The following KIF14 variants were observed in gnomAD, a reference collection of about 807,000 sequenced individuals.
The protein encoded by KIF14 is kinesin-like protein KIF14.
In KIF14, 98 loss-of-function variants were observed where a neutral mutation model predicts 176.2. The ratio of observed to expected loss-of-function variants is 0.56; its 90% confidence interval spans 0.47 to 0.66. The LOEUF (loss-of-function observed/expected upper bound fraction) is 0.66. Among genes scored for constraint, KIF14 ranks in the 30% least tolerant of loss-of-function variants. The probability of loss-of-function intolerance (pLI) is 0.00; values close to 1 mark genes in which losing one functional copy is unlikely to be tolerated. For synonymous variants in KIF14, 566 were observed against 632.2 expected (o/e 0.90, Z 1.57); for missense variants, 1,751 against 1,920.4 (o/e 0.91, Z 1.65).
rs1040881546 is a variant in KIF14, at chr1:200,552,409, A to T, written c.*979T>A. ...CAAATCATATACAAATTATTTCATT[A>T]TACCTTTAACAAAACAAGCATTATC... On this transcript the variant is annotated 3_prime_UTR_variant, in exon 30 of 30. Coordinates refer to ENST00000367350, the MANE Select transcript of KIF14 (RefSeq NM_014875.3). 1.3e-5 allele frequency: 2 copies of T among 152,124 alleles called. No homozygotes were observed. The highest frequency in any genetic ancestry group is 2.4e-5 in the African/African-American group (1 of 41,432). The allele number at this position is 152,124 out of a possible 1,614,324, so 9.4% of individuals were successfully genotyped here.
In KIF14 at chr1:200,615,526, TA is replaced by T; in HGVS notation, c.1195del (p.Tyr399IlefsTer29). ...TVEHPDTKQV[Y>X]NFIYDVSFWS... ...GAATGAAACATCATAAATAAAATTA[TA>T]AACTTGTTTCGTGTCAGGGTGTTCC... On this transcript the variant is annotated frameshift_variant, in exon 3 of 30. Coordinates refer to ENST00000367350, the MANE Select transcript of KIF14 (RefSeq NM_014875.3). LOFTEE classifies it high-confidence loss of function. The T allele has an allele frequency of 6.2e-7, 1 of 1,613,992 alleles. No homozygotes were observed. Among genetic ancestry groups the T allele is most frequent in the Non-Finnish European group, 8.5e-7 (1 of 1,179,858 alleles).
At chr1:200,615,120 A>G (rs1196624047) in intron 3 of KIF14, among the ~76,000 whole-genome samples, 1 of 152,194 alleles carries the variant, frequency 6.6e-6, no homozygotes, top group Non-Finnish European at 1.5e-5. Flanking sequence ...TATAAAGTAC[A>G]GTAAAATGGG....
rs191759930 is a variant in KIF14 at position 200,554,651 on chromosome 1, C to T, written c.4429-45G>A. 9.8e-4 allele frequency: 972 copies of T among 993,836 alleles called. 4 individuals are homozygous for T. Among genetic ancestry groups the T allele is most frequent in the Non-Finnish European group, 2.5e-4 (165 of 666,698 alleles). 61.6% of individuals were successfully genotyped at this position (993,836 alleles called of 1,614,324 possible). A position where few individuals can be genotyped will look rare whatever the true frequency, so the allele number is the denominator to read the frequency against. ...ATTTAAAATAATACATTAACAGGCT[C>T]AATGGCAGTAAGGCTCAGTCAATAT... is the stretch of plus-strand genomic sequence containing the variant. On this transcript the variant is annotated intron_variant, in intron 28 of 29. Coordinates refer to ENST00000367350, the MANE Select transcript of KIF14 (RefSeq NM_014875.3).
In KIF14 at chr1:200,551,861, C is replaced by T. The variant is rs1656548593; in HGVS notation, c.*1527G>A. 1 of 152,124 alleles carries T rather than the reference C, an allele frequency of 6.6e-6. No individual in the cohort carries two copies. Among genetic ancestry groups the T allele is most frequent in the South Asian group, 2.1e-4 (1 of 4,830 alleles). 9.4% of individuals were successfully genotyped at this position (152,124 alleles called of 1,614,324 possible). On this transcript the variant is annotated 3_prime_UTR_variant, in exon 30 of 30. Transcript: ENST00000367350. The stretch of plus-strand genomic sequence containing the variant: ...TTGCCAGATTATTGACTAATAAAAA[C>T]ACATATAGAGCTTCAGAAAGAATAC...
intron 19 of KIF14, among the ~76,000 whole-genome samples, chr1:200,583,383 G>T (rs1658564558): frequency 6.6e-6 from 1 of 152,126 alleles, no homozygotes; most frequent in Non-Finnish European, 1.5e-5. Flanking sequence ...CTAATTTAGA[G>T]ATACACAGTG....
rs756784347 is a variant in KIF14 at position 200,614,306 on chromosome 1, A to G, written c.1455+12T>C. On this transcript the variant is annotated intron_variant, in intron 4 of 29. Coordinates refer to ENST00000367350, the MANE Select transcript of KIF14 (RefSeq NM_014875.3). Reference sequence around the variant, plus strand: ...CTCTGAAAAGAAGCTTGCAGGTATTATAAGAACATACCTCTTGGGTTTGTT... The same window carrying G: ...CTCTGAAAAGAAGCTTGCAGGTATTGTAAGAACATACCTCTTGGGTTTGTT... 7.5e-6 allele frequency: 11 copies of G among 1,476,012 alleles called. No individual in the cohort carries two copies. The East Asian group carries it at 2.3e-4, about 30-fold the overall frequency. The allele number at this position is 1,476,012 out of a possible 1,614,324, so 91.4% of individuals were successfully genotyped here. A position where few individuals can be genotyped will look rare whatever the true frequency, so the allele number is the denominator to read the frequency against.
At chr1:200,596,751 G>A (rs1468574001) in intron 14 of KIF14, among the ~76,000 whole-genome samples, 1 of 151,580 alleles carries the variant, frequency 6.6e-6, no homozygotes, top group Non-Finnish European at 1.5e-5. Flanking sequence ...TTTCAGTAGA[G>A]ATGAGGTTTC....
intron 29 of KIF14, among the ~76,000 whole-genome samples, 167 bp from the exon 30 acceptor site, chr1:200,553,934 T>A (rs1201805245): frequency 6.6e-6 from 1 of 152,208 alleles, no homozygotes. Flanking sequence ...AGATGAGCAC[T>A]TGGTTTTTCA....
intron 21 of KIF14, among the ~76,000 whole-genome samples, chr1:200,577,785 T>C (rs1019339668): frequency 3.3e-5 from 5 of 150,756 alleles, no homozygotes; most frequent in Non-Finnish European, 7.4e-5. Context: ...GGTTTTTGTT[T>C]GTTTGTTTTT....
chr1:200,582,205 T>G (rs1480454316), intron 19 of KIF14, among the ~76,000 whole-genome samples: 1 of 151,826 alleles, frequency 6.6e-6, no homozygotes, highest in Non-Finnish European at 1.5e-5. Flanking sequence ...TGGCACCCTA[T>G]CTCTAGAAAA....
chr1:200,609,573 TGG>T (rs1660051720), intron 4 of KIF14, among the ~76,000 whole-genome samples: 1 of 152,146 alleles, frequency 6.6e-6, no homozygotes, highest in Non-Finnish European at 1.5e-5. Context: ...CGCTTGAACC[TGG>T]GAGGTGGAGG....
chr1:200,587,162 C>T (rs1362563698), intron 18 of KIF14, among the ~76,000 whole-genome samples: 1 of 151,976 alleles, frequency 6.6e-6, no homozygotes, highest in Non-Finnish European at 1.5e-5. Flanking sequence ...ACTGTGTGCA[C>T]TCCTGGTACA....
intron 22 of KIF14, among the ~76,000 whole-genome samples, chr1:200,573,010 T>C (rs775007935): frequency 4.6e-5 from 7 of 152,230 alleles, no homozygotes; most frequent in Non-Finnish European, 1.0e-4. Flanking sequence ...TTTAATCTTA[T>C]TCAATATATA....
chr1:200,602,204 T>G (rs1308803447), intron 10 of KIF14, 136 bp from the exon 11 acceptor site: 1 of 646,724 alleles, frequency 1.5e-6, no homozygotes. Context: ...TTAAAACTTT[T>G]CTGGTATTTG....
At chr1:200,602,208 G>A in intron 10 of KIF14, 140 bp from the exon 11 acceptor site, 3 of 623,734 alleles carry the variant, frequency 4.8e-6, no homozygotes, top group South Asian at 5.3e-5. Context: ...AACTTTTCTG[G>A]TATTTGTAAC....
At chr1:200,596,591 G>A (rs1659353804) in intron 14 of KIF14, among the ~76,000 whole-genome samples, 1 of 119,680 alleles carries the variant, frequency 8.4e-6, no homozygotes, top group Non-Finnish European at 1.6e-5. Context: ...TTGAGTTAGA[G>A]TCTCACTCTA....
In KIF14 at chr1:200,615,271, A is replaced by G. The variant is rs1354392617; in HGVS notation, c.1367+84T>C. On this transcript the variant is annotated intron_variant, in intron 3 of 29. Transcript: ENST00000367350. ...CCAAGATCTGTGTGATTTCAAAACTATATTCTTTCTATCACCCCTATGCCA... is the reference window on the plus strand; with the variant it reads ...CCAAGATCTGTGTGATTTCAAAACTGTATTCTTTCTATCACCCCTATGCCA... 61 of 1,344,154 alleles carry G rather than the reference A, an allele frequency of 4.5e-5. No individual in the cohort carries two copies. In the East Asian group the frequency reaches 1.3e-3, roughly 30 times the overall value. 83.3% of individuals were successfully genotyped at this position (1,344,154 alleles called of 1,614,324 possible).
intron 22 of KIF14, among the ~76,000 whole-genome samples, chr1:200,575,146 CG>C (rs1658026612): frequency 6.6e-6 from 1 of 151,674 alleles, no homozygotes; most frequent in Non-Finnish European, 1.5e-5. Context: ...TTGGTAGAGA[CG>C]GGGTTTCACC....
In KIF14 at chr1:200,618,052, C is replaced by G. The variant is rs1660495142; in HGVS notation, c.672G>C (p.Leu224=). The G allele has an allele frequency of 6.2e-7, 1 of 1,614,026 alleles. No individual in the cohort carries two copies. Among genetic ancestry groups the G allele is most frequent in the Non-Finnish European group, 8.5e-7 (1 of 1,180,016 alleles). ...CTGATCTAACAACTTCAGTCTGACT[C>G]AGGGAAGCAATGGGTGGTCTATTAC... ...YSSNRPPIAS[L]SQTEVVRSGH... is the part of the protein sequence containing the mutation. Residue 224 remains leucine (L), a synonymous_variant, in exon 2 of 30, where the codon CTG becomes CTC. Coordinates refer to ENST00000367350, the MANE Select transcript of KIF14 (RefSeq NM_014875.3).
Sources: allele counts gnomAD v4.1 joint callset (sites outside exome capture counted in the v4.1 genomes callset), GRCh38; gene constraint gnomAD v4.1.1; transcripts MANE v1.5; gene names NCBI Gene and HGNC (gene_info 2026-07-23, HGNC 2026-07-21).